Variants in GPC5 observed in about 807,000 individuals in gnomAD.
GPC5 encodes the protein glypican-5.
A neutral mutation model predicts 53.9 loss-of-function variants in GPC5; 47 were observed. That is an observed-to-expected ratio of 0.87 (90% confidence interval 0.69 to 1.11). GPC5 has a LOEUF of 1.11. GPC5 is among the 50% of genes most tolerant of loss of function. The probability of loss-of-function intolerance (pLI) is 0.00; values close to 1 mark genes in which losing one functional copy is unlikely to be tolerated. For missense variants in GPC5, 748 were observed against 713.1 expected (o/e 1.05, Z -0.56); for synonymous variants, 286 against 263.3 (o/e 1.09, Z -0.84).
intron 2 of GPC5, among the ~76,000 whole-genome samples, chr13:91,523,487 C>T (rs1885935700): frequency 6.6e-6 from 1 of 152,124 alleles, no homozygotes; most frequent in Non-Finnish European, 1.5e-5. Flanking sequence ...GAGACAAATA[C>T]TGCATGATCT....
intron 6 of GPC5, among the ~76,000 whole-genome samples, chr13:92,124,674 G>A (rs1259128653): frequency 1.3e-5 from 2 of 152,150 alleles, no homozygotes; most frequent in African/African-American, 4.8e-5. Flanking sequence ...TGCATGAATT[G>A]TGTGTGAGTT....
At chr13:92,833,337 C>T (rs1042390134) in intron 7 of GPC5, among the ~76,000 whole-genome samples, 6 of 152,138 alleles carry the variant, frequency 3.9e-5, no homozygotes, top group South Asian at 2.1e-4. Context: ...AAGATGATAG[C>T]GTAACACCCA....
chr13:91,758,652 G>A (rs1051279340), intron 5 of GPC5, among the ~76,000 whole-genome samples: 1 of 152,060 alleles, frequency 6.6e-6, no homozygotes, highest in Admixed American at 6.6e-5. Flanking sequence ...AAAGCACAGA[G>A]TTAGCAAGGA....
At chr13:91,543,804 T>C (rs1307629725) in intron 2 of GPC5, among the ~76,000 whole-genome samples, 1 of 152,212 alleles carries the variant, frequency 6.6e-6, no homozygotes, top group Non-Finnish European at 1.5e-5. Flanking sequence ...ATAGAGACTC[T>C]TGGCAAATTA....
At chr13:92,722,259 C>T (rs1275936133) in intron 7 of GPC5, among the ~76,000 whole-genome samples, 1 of 151,974 alleles carries the variant, frequency 6.6e-6, no homozygotes, top group Non-Finnish European at 1.5e-5. Context: ...AGGGAAAATA[C>T]TTTGCCTTCA....
intron 7 of GPC5, among the ~76,000 whole-genome samples, chr13:92,481,640 A>G (rs1214097593): frequency 2.6e-5 from 4 of 152,176 alleles, no homozygotes; most frequent in Non-Finnish European, 4.4e-5. Context: ...GAATTCAATT[A>G]TCATGGCACT....
At chr13:91,725,001 C>T (rs1221346853) in intron 3 of GPC5, 1 of 152,164 alleles carries the variant, frequency 6.6e-6, no homozygotes, top group Admixed American at 6.5e-5. Context: ...AGACTGAGTG[C>T]ACAGTTGGGG....
intron 6 of GPC5, among the ~76,000 whole-genome samples, chr13:91,921,575 A>C (rs2039714937): frequency 6.6e-6 from 1 of 152,314 alleles, no homozygotes; most frequent in East Asian, 1.9e-4. Context: ...AAAGATTTCC[A>C]TAAAAAAATC....
intron 7 of GPC5, among the ~76,000 whole-genome samples, chr13:92,167,873 A>G (rs1316148979): frequency 6.1e-5 from 1 of 16,280 alleles, no homozygotes; most frequent in Non-Finnish European, 1.2e-4. Context: ...TAGGACCAAG[A>G]AAAAAAAAAA....
chr13:91,825,138 G>A (rs1350152639), intron 5 of GPC5, among the ~76,000 whole-genome samples: 1 of 151,434 alleles, frequency 6.6e-6, no homozygotes, highest in Non-Finnish European at 1.5e-5. Context: ...GTGGGGGAGG[G>A]AGAGAGAGAG....
intron 7 of GPC5, among the ~76,000 whole-genome samples, chr13:92,702,041 A>T (rs908340007): frequency 3.3e-5 from 5 of 152,090 alleles, no homozygotes; most frequent in African/African-American, 1.2e-4. Flanking sequence ...AGGAGATGGG[A>T]CGTGCACTCT....
intron 5 of GPC5, among the ~76,000 whole-genome samples, chr13:91,901,917 C>G (rs2039501578): frequency 6.6e-6 from 1 of 151,902 alleles, no homozygotes; most frequent in Non-Finnish European, 1.5e-5. Context: ...AGAATAACAA[C>G]CACAACATGG....
At chr13:92,812,721 C>G (rs979726348) in intron 7 of GPC5, among the ~76,000 whole-genome samples, 1 of 151,788 alleles carries the variant, frequency 6.6e-6, no homozygotes, top group South Asian at 2.1e-4. Flanking sequence ...AAAACATCCA[C>G]AAGAAATCTT....
At chr13:91,468,587 A>T (rs1214462389) in intron 2 of GPC5, among the ~76,000 whole-genome samples, 1 of 152,164 alleles carries the variant, frequency 6.6e-6, no homozygotes, top group East Asian at 1.9e-4. Context: ...CACCTGGAAC[A>T]GTTCTCCTTC....
chr13:92,262,122 C>A (rs984330010), intron 7 of GPC5, among the ~76,000 whole-genome samples: 2 of 152,144 alleles, frequency 1.3e-5, no homozygotes, highest in Non-Finnish European at 2.9e-5. Flanking sequence ...AGCAAAACTT[C>A]TCTGCCCTTT....
chr13:91,843,652 A>G (rs1259522298), intron 5 of GPC5, among the ~76,000 whole-genome samples: 1 of 152,222 alleles, frequency 6.6e-6, no homozygotes, highest in Non-Finnish European at 1.5e-5. Flanking sequence ...TCATAGAGCC[A>G]GAAGACATCT....
At chr13:92,277,257 GAGA>G (rs777725070) in intron 7 of GPC5, among the ~76,000 whole-genome samples, 16 of 152,140 alleles carry the variant, frequency 1.1e-4, no homozygotes, top group East Asian at 1.9e-4. Context: ...TTGAGAAGCA[GAGA>G]AGAAGGGAAA....
chr13:91,894,233 T>C (rs547576851), intron 5 of GPC5, among the ~76,000 whole-genome samples: 2 of 152,306 alleles, frequency 1.3e-5, no homozygotes, highest in East Asian at 3.9e-4. Flanking sequence ...ATCCATTTGG[T>C]AGCCCTTCAG....
intron 7 of GPC5, among the ~76,000 whole-genome samples, chr13:92,795,823 T>C (rs896805197): frequency 1.3e-5 from 2 of 152,096 alleles, no homozygotes; most frequent in African/African-American, 4.8e-5. Flanking sequence ...TAGCATCTCA[T>C]GCCAGTTAGA....
Sources: gnomAD v4.1 joint callset for allele counts (sites outside exome capture counted in the v4.1 genomes callset) on GRCh38, gnomAD v4.1.1 for gene constraint, MANE v1.5 for transcripts, NCBI Gene and HGNC (gene_info 2026-07-23, HGNC 2026-07-21) for gene names.